Variants in KALRN observed in about 807,000 individuals in gnomAD.
KALRN encodes kalirin.
In KALRN, 70 loss-of-function variants were observed where a neutral mutation model predicts 353.7. The observed-to-expected ratio is 0.20, with a 90% CI of 0.16 to 0.24. KALRN has a LOEUF of 0.24. Ranked by LOEUF, KALRN falls within the 10% of genes least tolerant of loss-of-function variation. KALRN has a pLI of 1.00. For synonymous variants in KALRN, 1,391 were observed against 1,434.8 expected (o/e 0.97, Z 0.69); for missense variants, 2,791 against 3,756.7 (o/e 0.74, Z 6.72).
intron 51 of KALRN, among the ~76,000 whole-genome samples, chr3:124,680,135 C>A (rs1349878447): frequency 6.6e-6 from 1 of 152,240 alleles, no homozygotes; most frequent in Non-Finnish European, 1.5e-5. Context: ...GCTGTGCCCA[C>A]CGTGTGAAGG....
rs1345047394 is a variant in KALRN, at chr3:124,496,012, T to TATATATATATAC, written c.4833-298_4833-297insTATATATATACA. Among the ~76,000 whole-genome samples, 194 of 43,536 alleles carry TATATATATATAC rather than the reference T, an allele frequency of 4.5e-3. 2 individuals are homozygous for TATATATATATAC. Among genetic ancestry groups the TATATATATATAC allele is most frequent in the African/African-American group, 6.9e-3 (57 of 8,298 alleles). 28.6% of individuals were successfully genotyped at this position (43,536 alleles called of 152,430 possible). A position where few individuals can be genotyped will look rare whatever the true frequency, so the allele number is the denominator to read the frequency against. On this transcript the variant is annotated intron_variant, in intron 32 of 59. Transcript: ENST00000682506. Reference sequence around the variant, plus strand: ...ATATATATATATATATATATATATATACACACACATATATACATACATACA... The same window carrying TATATATATATAC: ...ATATATATATATATATATATATATATATATATATATACACACACACATATATACATACATACA...
At chr3:124,695,765 C>T (rs1462842183) in intron 53 of KALRN, among the ~76,000 whole-genome samples, 11 of 150,598 alleles carry the variant, frequency 7.3e-5, no homozygotes, top group African/African-American at 2.7e-4. Context: ...CATTCATTAT[C>T]GATCTGTGAA....
At chr3:124,575,096 C>T (rs1230358618) in intron 34 of KALRN, among the ~76,000 whole-genome samples, 1 of 152,218 alleles carries the variant, frequency 6.6e-6, no homozygotes, top group Non-Finnish European at 1.5e-5. Context: ...TTCTGAATAC[C>T]AGCCCTCTGC....
intron 5 of KALRN, among the ~76,000 whole-genome samples, chr3:124,273,634 T>C (rs1206132713): frequency 6.6e-6 from 1 of 152,226 alleles, no homozygotes; most frequent in African/African-American, 2.4e-5. Flanking sequence ...TATTAAATGC[T>C]TTCTGTGCAT....
chr3:124,166,998 TCA>T (rs2070969291), intron 1 of KALRN, among the ~76,000 whole-genome samples: 1 of 152,068 alleles, frequency 6.6e-6, no homozygotes. Flanking sequence ...TGAGCCACGA[TCA>T]CACCACTGCA....
chr3:124,422,936 G>C lies in KALRN; in HGVS notation c.2667G>C (p.Glu889Asp). The C allele has an allele frequency of 6.2e-7, 1 of 1,613,814 alleles. No individual in the cohort carries two copies. The highest frequency in any genetic ancestry group is 1.1e-5 in the South Asian group (1 of 91,064). Residue 889 changes from glutamate (E) to aspartate (D), a missense_variant, in exon 15 of 60, where the codon GAG (glutamate) becomes GAC (aspartate). Physicochemically the swap from Glu to Asp is conservative, Grantham distance 45. Around this residue, in one of 11 missense-constraint regions of KALRN, gnomAD observed 452 missense variants for 575.8 expected, o/e 0.78. Transcript: ENST00000682506. ...LNAEQTHKRL[E>D]QCLQLRHLQA... is the part of the protein sequence containing the mutation. The stretch of plus-strand genomic sequence containing the variant: ...CAGAGCAGACTCATAAGCGGCTAGA[G>C]CAGTGCCTCCAATTACGTCACCTCC...
intron 25 of KALRN, 72 bp downstream of exon 25, chr3:124,462,705 G>A: frequency 1.2e-6 from 1 of 840,848 alleles, no homozygotes; most frequent in Admixed American, 2.1e-5. Flanking sequence ...CCCAAGAAGT[G>A]GATCAAAGGC....
intron 39 of KALRN, 116 bp downstream of exon 39, chr3:124,655,783 G>A: frequency 1.4e-6 from 1 of 705,032 alleles, no homozygotes; most frequent in Non-Finnish European, 2.6e-6. Flanking sequence ...CTGAGCACTT[G>A]CAGAAATGAA....
At chr3:124,443,447 A>G (rs72980511) in intron 19 of KALRN, among the ~76,000 whole-genome samples, 84 of 152,364 alleles carry the variant, frequency 5.5e-4, no homozygotes, top group African/African-American at 2.0e-3. Flanking sequence ...GTTGGAGAGA[A>G]CAGAGACCAC....
intron 1 of KALRN, among the ~76,000 whole-genome samples, chr3:124,189,146 A>G (rs755772736): frequency 1.2e-4 from 19 of 152,226 alleles, no homozygotes; most frequent in Non-Finnish European, 2.4e-4. Flanking sequence ...GGTCTCGCTT[A>G]TAAGATGTGC....
intron 1 of KALRN, among the ~76,000 whole-genome samples, chr3:124,054,965 A>G (rs1049697006): frequency 5.1e-5 from 2 of 39,018 alleles, no homozygotes; most frequent in African/African-American, 9.1e-5. Context: ...GTTTATAGCA[A>G]ATAGCTTACT....
chr3:124,655,934 T>C (rs554224041), intron 39 of KALRN, among the ~76,000 whole-genome samples: 1 of 152,320 alleles, frequency 6.6e-6, no homozygotes, highest in South Asian at 2.1e-4. Context: ...TTCCACTTTG[T>C]TTTAGGTGAC....
At position 124,660,090 on chromosome 3, in the gene KALRN, C is replaced by T. The variant is rs1435098831; in HGVS notation, c.6216+633C>T. On this transcript the variant is annotated intron_variant, in intron 43 of 59. Transcript: ENST00000682506. ...AGGACAACAGATGCATGTCATCATG[C>T]CTGGCTAATTTTTTATTTTTTTTGT... Among the ~76,000 whole-genome samples, 3 of 151,846 alleles carry T rather than the reference C, an allele frequency of 2.0e-5. No individual in the cohort carries two copies. The East Asian group carries it at 5.8e-4, about 29-fold the overall frequency.
intron 25 of KALRN, among the ~76,000 whole-genome samples, chr3:124,471,256 T>TTTTTTTATTA (rs377604411): frequency 1.4e-5 from 2 of 138,824 alleles, no homozygotes; most frequent in African/African-American, 5.3e-5. Context: ...CCCACAAAGT[T>TTTTTTTATTA]TTATTATTAT....
Position 124,248,299 on chromosome 3 carries a change from G to C in KALRN, c.263+13356G>C, listed in dbSNP as rs577365128. 2.0e-5 allele frequency among the ~76,000 whole-genome samples: 3 copies of C among 152,336 alleles called. No homozygotes were observed. In the South Asian group the frequency reaches 6.2e-4, roughly 32 times the overall value. On this transcript the variant is annotated intron_variant, in intron 3 of 59. Coordinates refer to ENST00000682506, the MANE Select transcript of KALRN (RefSeq NM_001388419.1). The stretch of plus-strand genomic sequence containing the variant: ...GGCCAATGCCGGGATCTCTATTTCA[G>C]ACATGAAGTACCTGAGGCCAGACTG...
At chr3:124,491,015 T>C in intron 30 of KALRN, 131 bp downstream of exon 30, 4 of 791,520 alleles carry the variant, frequency 5.1e-6, no homozygotes, top group Non-Finnish European at 7.8e-6. Flanking sequence ...CAAATGAAAA[T>C]GTCTCCTATT....
intron 27 of KALRN, among the ~76,000 whole-genome samples, chr3:124,479,226 T>A (rs533944953): frequency 2.8e-4 from 43 of 152,340 alleles, no homozygotes; most frequent in African/African-American, 8.9e-4. Context: ...ATAAGTCAGA[T>A]ATATCCCCAA....
rs142301867 is a variant in KALRN, at chr3:124,264,534, C to T, written c.300C>T (p.Ile100=). 312 of 1,614,054 alleles carry T rather than the reference C, an allele frequency of 1.9e-4. No homozygotes were observed. In the African/African-American group the frequency reaches 3.1e-3, roughly 16 times the overall value. ...GCAAACGTGGCTTCACTGTCATCAT[C>T]GACATGCGGGGCTCCAAGTGGGACC... The part of the protein sequence containing the change: ...DVCKRGFTVI[I]DMRGSKWDLI... The change falls in exon 4 of 60, where the codon ATC becomes ATT. Residue 100 remains isoleucine (I), a synonymous_variant. Coordinates refer to ENST00000682506, the MANE Select transcript of KALRN (RefSeq NM_001388419.1).
At chr3:124,690,556 CAA>C (rs148693920) in intron 51 of KALRN, among the ~76,000 whole-genome samples, 1 of 152,162 alleles carries the variant, frequency 6.6e-6, no homozygotes, top group African/African-American at 2.4e-5. Context: ...ATGTCAATGA[CAA>C]AGTTTCACAA....
Sources: allele counts gnomAD v4.1 joint callset (sites outside exome capture counted in the v4.1 genomes callset), GRCh38; gene constraint gnomAD v4.1.1; regional missense constraint gnomAD v4.1.1; transcripts MANE v1.5; gene names NCBI Gene and HGNC (gene_info 2026-07-23, HGNC 2026-07-21).